NAIP: variants seen among roughly 807,000 people sequenced by gnomAD.
NAIP encodes the protein NLR family apoptosis inhibitory protein, also known as baculoviral IAP repeat-containing protein 1.
Under a neutral mutation model 23.0 loss-of-function variants are expected in NAIP, and 15 were observed. The ratio of observed to expected loss-of-function variants is 0.65; its 90% CI spans 0.44 to 1.00. The LOEUF is 1.00. Among genes scored for constraint, NAIP ranks in the 50% least tolerant of loss-of-function variants. The pLI is 0.00. For missense variants in NAIP, 265 were observed against 278.8 expected, an observed-to-expected ratio of 0.95 and a Z score of 0.35; for synonymous variants, 100 against 100.2, an observed-to-expected ratio of 1.00 and a Z score of 0.01.
Position 71,012,467 on chromosome 5 carries a change from C to T in NAIP, c.449G>A (p.Arg150Lys), listed in dbSNP as rs1561517682. 2 of 1,611,736 alleles carry T rather than the reference C, an allele frequency of 1.2e-6. No individual in the cohort carries two copies. The highest frequency in any genetic ancestry group is 1.7e-6 in the Non-Finnish European group (2 of 1,178,458). ...TTCTTGGTACCTCATTTTACCTCCTCTCAGCCTGCTCTTCAGATTCTTCAC... is the reference window on the plus strand; with the variant it reads ...TTCTTGGTACCTCATTTTACCTCCTTTCAGCCTGCTCTTCAGATTCTTCAC... The part of the protein sequence containing the change: ...IRVKNLKSRL[R>K]GGKMRYQEEE... Residue 150 changes from arginine (R) to lysine (K), a missense_variant, in exon 4 of 17, where the codon AGA becomes AAA. Around this residue, in one of 2 missense-constraint regions of NAIP, gnomAD observed 261 missense variants for 259.2 expected, o/e 1.01. Coordinates refer to ENST00000517649, the MANE Select transcript of NAIP (RefSeq NM_004536.3).
intron 5 of NAIP, among the ~76,000 whole-genome samples, chr5:71,009,597 C>G (rs1751050352): frequency 6.6e-6 from 1 of 150,568 alleles, no homozygotes; most frequent in Non-Finnish European, 1.5e-5. Flanking sequence ...GGCTGAGGCA[C>G]AAGAATCACT....
intron 13 of NAIP, among the ~76,000 whole-genome samples, chr5:70,977,819 C>G (rs1750338696): frequency 8.4e-6 from 1 of 118,706 alleles, no homozygotes; most frequent in Non-Finnish European, 1.9e-5. Flanking sequence ...ATGGTGAAAC[C>G]CCGTCTCTAC....
intron 5 of NAIP, among the ~76,000 whole-genome samples, chr5:71,010,361 C>G (rs1006239051): frequency 1.3e-5 from 2 of 151,458 alleles, no homozygotes; most frequent in Non-Finnish European, 3.0e-5. Context: ...CTCTGCCTCC[C>G]GGGTTCACAC....
At chr5:70,971,804 C>G (rs1750180960) in intron 16 of NAIP, among the ~76,000 whole-genome samples, 1 of 66,406 alleles carries the variant, frequency 1.5e-5, no homozygotes, top group Admixed American at 1.8e-4. Context: ...ACCCTGTGTT[C>G]TCAATGAACA....
In NAIP at chr5:71,013,065, C is replaced by A. The variant is rs181000323; in HGVS notation, c.-3-147G>T. ...AAATTGTTGGAAAATTATGAAACAT[C>A]AGTATTCATCTACTTAATCAACAAA... On this transcript the variant is annotated intron_variant, in intron 3 of 16. Coordinates refer to ENST00000517649, the MANE Select transcript of NAIP (RefSeq NM_004536.3). The A allele has an allele frequency of 1.6e-4, 122 of 770,460 alleles. 3 individuals are homozygous for A. In the East Asian group the frequency reaches 3.3e-3, roughly 21 times the overall value. 47.7% of individuals were successfully genotyped at this position (770,460 alleles called of 1,614,324 possible). A position where few individuals can be genotyped will look rare whatever the true frequency, so the allele number is the denominator to read the frequency against.
At chr5:70,971,856 TGTTGTTTG>T (rs1313243077) in intron 16 of NAIP, among the ~76,000 whole-genome samples, 1 of 68,240 alleles carries the variant, frequency 1.5e-5, no homozygotes, top group Non-Finnish European at 2.8e-5. Flanking sequence ...GCAGAGTTCT[TGTTGTTTG>T]GTTTAGGGGT....
At chr5:71,011,747 A>G in intron 4 of NAIP, 1 of 447,322 alleles carries the variant, frequency 2.2e-6, no homozygotes, top group Non-Finnish European at 4.3e-6. Flanking sequence ...GTAGAAACAT[A>G]GGCATGTTTC....
chr5:71,011,483 A>C (rs1160251056), intron 4 of NAIP, 109 bp from the exon 5 acceptor site: 1 of 891,950 alleles, frequency 1.1e-6, no homozygotes, highest in East Asian at 2.7e-5. Flanking sequence ...GTGGCTGTGC[A>C]CTCCCGATCT....
At chr5:70,972,969 T>C (rs1156779115) in intron 16 of NAIP, among the ~76,000 whole-genome samples, 3 of 109,622 alleles carry the variant, frequency 2.7e-5, no homozygotes, top group South Asian at 3.4e-4. Context: ...GGCATGATCT[T>C]GGCTCACTTC....
intron 9 of NAIP, among the ~76,000 whole-genome samples, chr5:70,996,893 CTG>C (rs1750701913): frequency 1.3e-5 from 1 of 78,014 alleles, no homozygotes; most frequent in Non-Finnish European, 2.7e-5. Flanking sequence ...GTTGGTCAAA[CTG>C]TATGCTTCCA....
intron 13 of NAIP, among the ~76,000 whole-genome samples, chr5:70,978,163 T>TTTC (rs1324531110): frequency 8.2e-6 from 1 of 121,860 alleles, no homozygotes; most frequent in Non-Finnish European, 1.7e-5. Flanking sequence ...TTTTTTTTTT[T>TTTC]TTTTTTGAGA....
At chr5:71,014,402 C>T (rs1433139458) in intron 3 of NAIP, among the ~76,000 whole-genome samples, 3 of 151,512 alleles carry the variant, frequency 2.0e-5, no homozygotes, top group Non-Finnish European at 2.9e-5. Flanking sequence ...GGCGCAATCT[C>T]AGCTCCCACA....
At chr5:70,977,665 C>CAAA (rs1219760084) in intron 13 of NAIP, among the ~76,000 whole-genome samples, 11 of 77,510 alleles carry the variant, frequency 1.4e-4, no homozygotes, top group African/African-American at 4.1e-4. Flanking sequence ...ACTGCATCTC[C>CAAA]AAAAAAAAAA....
chr5:71,010,033 T>A (rs531532794), intron 5 of NAIP, among the ~76,000 whole-genome samples: 233 of 151,800 alleles, frequency 1.5e-3, no homozygotes, highest in African/African-American at 5.5e-3. Flanking sequence ...CATGAAACCA[T>A]TTGTAATAAT....
intron 5 of NAIP, among the ~76,000 whole-genome samples, chr5:71,010,877 C>A (rs904444949): frequency 5.3e-5 from 8 of 151,308 alleles, no homozygotes; most frequent in African/African-American, 1.9e-4. Context: ...AGGGAAAGAT[C>A]AAAACTGAAG....
intron 3 of NAIP, among the ~76,000 whole-genome samples, chr5:71,014,270 G>A (rs943170185): frequency 6.6e-6 from 1 of 151,174 alleles, no homozygotes; most frequent in Non-Finnish European, 1.5e-5. Context: ...GCTAATTTCT[G>A]TATTTTTAGT....
intron 4 of NAIP, among the ~76,000 whole-genome samples, 180 bp from the exon 5 acceptor site, chr5:71,011,554 G>A (rs1001628281): frequency 6.6e-6 from 1 of 151,332 alleles, no homozygotes; most frequent in Non-Finnish European, 1.5e-5. Flanking sequence ...CACCACAGCC[G>A]TGCTCTAGGT....
intron 4 of NAIP, 125 bp downstream of exon 4, chr5:71,012,223 C>T (rs1310912269): frequency 1.2e-6 from 1 of 825,740 alleles, no homozygotes; most frequent in Non-Finnish European, 1.9e-6. Context: ...TAAACTAGAC[C>T]TTATACCTAA....
At position 71,012,661 on chromosome 5, in the gene NAIP, C is replaced by A; in HGVS notation, c.255G>T (p.Gly85=). Residue 85 remains glycine (G), a synonymous_variant, in exon 4 of 17, where the codon GGG becomes GGT. Coordinates refer to ENST00000517649, the MANE Select transcript of NAIP (RefSeq NM_004536.3). ...CAGATTTTACCCCAGTGAAGTAAAA[C>A]CCAGCGGCCGCCATCTCCTGTGGTA... The part of the protein sequence containing the change: ...SWIPQEMAAA[G]FYFTGVKSGI... The A allele has an allele frequency of 6.2e-7, 1 of 1,611,954 alleles. No homozygotes were observed. Among genetic ancestry groups the A allele is most frequent in the Non-Finnish European group, 8.5e-7 (1 of 1,178,482 alleles).
Sources: gnomAD v4.1 joint callset for allele counts (sites outside exome capture counted in the v4.1 genomes callset) on GRCh38, gnomAD v4.1.1 for gene constraint, gnomAD v4.1.1 regional missense constraint, MANE v1.5 for transcripts, NCBI Gene and HGNC (gene_info 2026-07-23, HGNC 2026-07-21) for gene names.